SGIP1: variants seen among roughly 807,000 people sequenced by gnomAD.
The protein encoded by SGIP1 is SH3GL interacting endocytic adaptor 1, also known as SH3-containing GRB2-like protein 3-interacting protein 1.
A neutral mutation model predicts 107.5 loss-of-function variants in SGIP1; 38 were observed. The observed-to-expected ratio is 0.35, with a 90% CI of 0.27 to 0.46. The LOEUF is 0.46. Ranked by LOEUF, SGIP1 falls within the 20% of genes least tolerant of loss-of-function variation. The pLI is 1.00. For missense variants in SGIP1, 929 were observed against 1,019.5 expected (o/e 0.91, Z 1.21); for synonymous variants, 365 against 366.1 (o/e 1.00, Z 0.03).
intron 1 of SGIP1, among the ~76,000 whole-genome samples, chr1:66,568,154 T>C (rs914062242): frequency 5.9e-5 from 9 of 152,110 alleles, no homozygotes; most frequent in African/African-American, 2.2e-4. Context: ...TGTTTTTCCA[T>C]TTGTTTGTGT....
At chr1:66,549,606 C>CA (rs1232167008) in intron 1 of SGIP1, among the ~76,000 whole-genome samples, 4 of 152,094 alleles carry the variant, frequency 2.6e-5, no homozygotes, top group Non-Finnish European at 5.9e-5. Context: ...TTATTATTAC[C>CA]ACTGCCATTG....
chr1:66,559,353 C>G (rs2148417163), intron 1 of SGIP1, among the ~76,000 whole-genome samples: 1 of 152,164 alleles, frequency 6.6e-6, no homozygotes, highest in South Asian at 2.1e-4. Context: ...TATGGAGCTA[C>G]TACTTTTCCT....
chr1:66,740,794 C>T (rs920857914), intron 23 of SGIP1, 72 bp downstream of exon 23: 1 of 943,198 alleles, frequency 1.1e-6, no homozygotes, highest in Non-Finnish European at 1.7e-6. Flanking sequence ...CCAACTATTA[C>T]CCAAAACATG....
intron 19 of SGIP1, among the ~76,000 whole-genome samples, chr1:66,728,047 T>TA (rs940146915): frequency 7.7e-4 from 116 of 151,628 alleles, no homozygotes; most frequent in South Asian, 2.9e-3. Context: ...AAGCCTTTTT[T>TA]AAAAAAAAAG....
At chr1:66,692,160 C>CAAAAA (rs10677616) in intron 17 of SGIP1, among the ~76,000 whole-genome samples, 13 of 136,356 alleles carry the variant, frequency 9.5e-5, no homozygotes, top group Admixed American at 8.1e-4. Flanking sequence ...GACTCCATCT[C>CAAAAA]AAAAAAAAAA....
At chr1:66,637,940 A>G (rs1348258657) in intron 4 of SGIP1, among the ~76,000 whole-genome samples, 10 of 151,726 alleles carry the variant, frequency 6.6e-5, no homozygotes, top group Non-Finnish European at 2.9e-5. Flanking sequence ...GGCCTTAGTT[A>G]CGAAGATGAG....
Position 66,569,174 on chromosome 1 carries a change from A to C in SGIP1, c.10+34806A>C, listed in dbSNP as rs140970664. On this transcript the variant is annotated intron_variant, in intron 1 of 24. Coordinates refer to ENST00000371037, the MANE Select transcript of SGIP1 (RefSeq NM_032291.4). ...ACTTGAGAATGAGGTACCCAGAGAG[A>C]AAGAGTTTTATTTTTTCCTTTTCAA... 3.6e-4 allele frequency among the ~76,000 whole-genome samples: 55 copies of C among 152,064 alleles called. 2 individuals carry two copies. The East Asian group carries it at 9.9e-3, about 27-fold the overall frequency.
chr1:66,668,137 T>TTAATTTGCA (rs2082985351), intron 9 of SGIP1, among the ~76,000 whole-genome samples: 1 of 152,192 alleles, frequency 6.6e-6, no homozygotes, highest in Non-Finnish European at 1.5e-5. Context: ...TAGATCAATA[T>TTAATTTGCA]TAATTTGCAT....
At chr1:66,689,862 C>T (rs907845553) in intron 16 of SGIP1, among the ~76,000 whole-genome samples, 5 of 152,186 alleles carry the variant, frequency 3.3e-5, no homozygotes, top group Non-Finnish European at 5.9e-5. Flanking sequence ...CGTCTAAAGT[C>T]GTTAGCTTTA....
chr1:66,622,048 G>C (rs183039074), intron 1 of SGIP1, among the ~76,000 whole-genome samples: 1 of 152,090 alleles, frequency 6.6e-6, no homozygotes, highest in Non-Finnish European at 1.5e-5. Flanking sequence ...ATTGTGCTGG[G>C]CCTCACCTAT....
At chr1:66,691,813 CTGTAACA>C (rs2089914542) in intron 17 of SGIP1, among the ~76,000 whole-genome samples, 1 of 152,220 alleles carries the variant, frequency 6.6e-6, no homozygotes, top group Admixed American at 6.5e-5. Flanking sequence ...TCAGATAAAC[CTGTAACA>C]TGTTCTTTCA....
intron 17 of SGIP1, among the ~76,000 whole-genome samples, chr1:66,690,789 C>T (rs7554101): frequency 0.62 from 94,914 of 152,006 alleles, 30,399 homozygotes; most frequent in East Asian, 1. Flanking sequence ...AACATCGGCA[C>T]TGTGAGACTT....
intron 19 of SGIP1, among the ~76,000 whole-genome samples, chr1:66,725,200 A>G (rs2093699968): frequency 6.6e-6 from 1 of 152,208 alleles, no homozygotes; most frequent in Non-Finnish European, 1.5e-5. Context: ...CACCTGAGTG[A>G]GGGAGGCTCA....
At position 66,636,005 on chromosome 1, in the gene SGIP1, A is replaced by G. The variant is rs1326451140; in HGVS notation, c.161A>G (p.Lys54Arg). The G allele has an allele frequency of 2.5e-6, 4 of 1,613,806 alleles. No homozygotes were observed. Among genetic ancestry groups the G allele is most frequent in the Non-Finnish European group, 2.5e-6 (3 of 1,179,838 alleles). ...SKAECAREGG[K>R]KVSKKSNGAP... ...GCAGAGTGTGCGCGTGAAGGAGGAA[A>G]AAAAGTTTCGGTAAGGAAACAGATT... is the stretch of plus-strand genomic sequence containing the variant. The change falls in exon 4 of 25, where the codon AAA (lysine) becomes AGA (arginine). Residue 54 changes from lysine to arginine, a missense_variant. Transcript: ENST00000371037.
chr1:66,734,326 G>C (rs569293731), intron 21 of SGIP1, among the ~76,000 whole-genome samples: 4 of 151,904 alleles, frequency 2.6e-5, no homozygotes, highest in Admixed American at 6.6e-5. Flanking sequence ...CTAAGAAATA[G>C]TTCAATAATA....
At chr1:66,709,823 A>G (rs1056828932) in intron 18 of SGIP1, among the ~76,000 whole-genome samples, 1 of 152,148 alleles carries the variant, frequency 6.6e-6, no homozygotes, top group African/African-American at 2.4e-5. Flanking sequence ...CACTTAGCAC[A>G]GTCCCCAGAA....
intron 1 of SGIP1, among the ~76,000 whole-genome samples, chr1:66,577,126 A>G (rs1200079874): frequency 1.3e-5 from 2 of 152,214 alleles, no homozygotes; most frequent in Non-Finnish European, 2.9e-5. Context: ...GATGAAGTGC[A>G]GGTTGCTACT....
intron 18 of SGIP1, among the ~76,000 whole-genome samples, chr1:66,710,826 A>C (rs773331687): frequency 2.0e-5 from 3 of 152,150 alleles, no homozygotes; most frequent in Non-Finnish European, 4.4e-5. Context: ...TAAAATTATT[A>C]ATTACTAAAG....
In SGIP1 at chr1:66,570,004, G is replaced by C. The variant is rs1571488351; in HGVS notation, c.10+35636G>C. Among the ~76,000 whole-genome samples, 4 of 151,520 alleles carry C rather than the reference G, an allele frequency of 2.6e-5. No homozygotes were observed. The East Asian group carries it at 7.7e-4, about 29-fold the overall frequency. ...TTTGATCTCGGTTATCAACTTGTGG[G>C]CATAGAGAAGTTTATCATATTCCTT... is the stretch of plus-strand genomic sequence containing the variant. On this transcript the variant is annotated intron_variant, in intron 1 of 24. Coordinates refer to ENST00000371037, the MANE Select transcript of SGIP1 (RefSeq NM_032291.4).
Sources: gnomAD v4.1 joint callset for allele counts (sites outside exome capture counted in the v4.1 genomes callset) on GRCh38, gnomAD v4.1.1 for gene constraint, MANE v1.5 for transcripts, NCBI Gene and HGNC (gene_info 2026-07-23, HGNC 2026-07-21) for gene names.